Variants in ZBTB20 observed in about 807,000 individuals in gnomAD.
ZBTB20 encodes zinc finger and BTB domain-containing protein 20.
ZBTB20 carries 9 observed loss-of-function variants against 56.9 expected under a neutral mutation model. That is an observed-to-expected ratio of 0.16 (90% CI 0.10 to 0.28). The LOEUF (loss-of-function observed/expected upper bound fraction) is 0.28, where lower values mean the gene tolerates loss of function less well. Ranked by LOEUF, ZBTB20 falls within the 10% of genes least tolerant of loss-of-function variation. The pLI is 1.00. For missense variants in ZBTB20, 655 were observed against 1,003.0 expected (o/e 0.65, Z 4.69); for synonymous variants, 417 against 420.7 (o/e 0.99, Z 0.11).
chr3:114,642,520 T>C (rs1255000227), intron 6 of ZBTB20, among the ~76,000 whole-genome samples: 1 of 152,008 alleles, frequency 6.6e-6, no homozygotes, highest in Admixed American at 6.6e-5. Flanking sequence ...AAATAGAGCA[T>C]ACTGATATTC....
At chr3:114,801,004 T>C (rs991220267) in intron 5 of ZBTB20, 97 bp downstream of exon 5, 1 of 152,022 alleles carries the variant, frequency 6.6e-6, no homozygotes, top group African/African-American at 2.4e-5. Context: ...GACATTCAAA[T>C]TTTTACTCAT....
At chr3:114,867,889 A>G (rs2075832383) in intron 4 of ZBTB20, among the ~76,000 whole-genome samples, 1 of 152,200 alleles carries the variant, frequency 6.6e-6, no homozygotes, top group South Asian at 2.1e-4. Context: ...AGTTACATTA[A>G]TATCTTTGAA....
rs1377374474 is a variant in ZBTB20 at position 114,317,881 on chromosome 3, G to C, written c.*21124C>G. On this transcript the variant is annotated 3_prime_UTR_variant, in exon 12 of 12. Coordinates refer to ENST00000675478, the MANE Select transcript of ZBTB20 (RefSeq NM_001348800.3). ...TAGTCCAAGGGAAGCTGGAAAAGGG[G>C]AACAAGAGAGAGTTTTTAGACAGAA... The C allele has an allele frequency of 6.6e-6, 1 of 152,158 alleles. No homozygotes were observed. The highest frequency in any genetic ancestry group is 2.4e-5 in the African/African-American group (1 of 41,412). 9.4% of individuals were successfully genotyped at this position (152,158 alleles called of 1,614,324 possible).
intron 1 of ZBTB20, among the ~76,000 whole-genome samples, chr3:115,094,433 A>G (rs1283384536): frequency 6.6e-6 from 1 of 152,114 alleles, no homozygotes; most frequent in African/African-American, 2.4e-5. Context: ...TGCCTAAATA[A>G]GATATTTTTG....
chr3:115,055,731 C>T (rs980186252), intron 2 of ZBTB20, among the ~76,000 whole-genome samples: 1 of 152,058 alleles, frequency 6.6e-6, no homozygotes, highest in African/African-American at 2.4e-5. Flanking sequence ...TTATAACTAT[C>T]ATTATCAATC....
chr3:114,606,674 A>G (rs2057179334), intron 6 of ZBTB20, among the ~76,000 whole-genome samples: 1 of 152,178 alleles, frequency 6.6e-6, no homozygotes, highest in African/African-American at 2.4e-5. Context: ...ACACTGCTCT[A>G]TCTTCACCTT....
chr3:114,400,072 T>C (rs1380750185), intron 7 of ZBTB20, among the ~76,000 whole-genome samples: 6 of 152,126 alleles, frequency 3.9e-5, no homozygotes, highest in South Asian at 2.1e-4. Flanking sequence ...ATGCTTTTTT[T>C]CCCCAAAAAA....
chr3:115,008,134 A>G (rs1392872883), intron 2 of ZBTB20, among the ~76,000 whole-genome samples: 3 of 151,848 alleles, frequency 2.0e-5, no homozygotes, highest in African/African-American at 7.2e-5. Flanking sequence ...CAGCTCTTCT[A>G]TATCTCTCCA....
intron 6 of ZBTB20, among the ~76,000 whole-genome samples, chr3:114,527,818 C>T (rs1327528634): frequency 6.6e-6 from 1 of 151,832 alleles, no homozygotes; most frequent in Admixed American, 6.6e-5. Flanking sequence ...ATAACTAAGG[C>T]CTATGATTAA....
At chr3:114,715,751 A>C (rs2204846) in intron 5 of ZBTB20, among the ~76,000 whole-genome samples, 148,543 of 152,248 alleles carry the variant, frequency 0.98, 72,582 homozygotes, top group Middle Eastern at 1. Context: ...ACACTACCCC[A>C]CAACATGCAC....
intron 6 of ZBTB20, among the ~76,000 whole-genome samples, chr3:114,618,294 G>C (rs1164837606): frequency 2.2e-5 from 3 of 136,976 alleles, no homozygotes; most frequent in African/African-American, 8.3e-5. Context: ...CTGTTGCCCA[G>C]GTTGGAGTAT....
At chr3:114,905,078 C>T (rs2075271534) in intron 3 of ZBTB20, among the ~76,000 whole-genome samples, 2 of 151,860 alleles carry the variant, frequency 1.3e-5, no homozygotes, top group African/African-American at 4.8e-5. Flanking sequence ...ACCTCATCTA[C>T]AATACACTAA....
intron 3 of ZBTB20, among the ~76,000 whole-genome samples, chr3:114,960,739 T>C (rs2077418142): frequency 6.6e-6 from 1 of 152,122 alleles, no homozygotes; most frequent in Non-Finnish European, 1.5e-5. Flanking sequence ...ATTCTAGACA[T>C]CATCAGAAGT....
chr3:114,554,067 A>G (rs912661453), intron 6 of ZBTB20, among the ~76,000 whole-genome samples: 1 of 152,136 alleles, frequency 6.6e-6, no homozygotes, highest in Non-Finnish European at 1.5e-5. Context: ...ATACCTATCT[A>G]TCCTTGTCAG....
chr3:114,794,137 T>C (rs148058150), intron 5 of ZBTB20, among the ~76,000 whole-genome samples: 1 of 151,972 alleles, frequency 6.6e-6, no homozygotes, highest in Non-Finnish European at 1.5e-5. Flanking sequence ...TGCTACTTAA[T>C]CGTTCTGGGG....
At chr3:114,757,126 G>A (rs1392622288) in intron 5 of ZBTB20, among the ~76,000 whole-genome samples, 1 of 152,048 alleles carries the variant, frequency 6.6e-6, no homozygotes, top group Non-Finnish European at 1.5e-5. Flanking sequence ...ACTAGCAGCT[G>A]GACTTCATTT....
At chr3:115,142,710 A>T (rs1307954028) in intron 1 of ZBTB20, among the ~76,000 whole-genome samples, 1 of 152,128 alleles carries the variant, frequency 6.6e-6, no homozygotes, top group Non-Finnish European at 1.5e-5. Context: ...ATTAGTTATA[A>T]AGTCTGTTTC....
At chr3:114,734,492 T>C (rs2108558880) in intron 5 of ZBTB20, among the ~76,000 whole-genome samples, 1 of 152,226 alleles carries the variant, frequency 6.6e-6, no homozygotes, top group East Asian at 1.9e-4. Flanking sequence ...CATAGGTTCT[T>C]GGAAACTGTG....
intron 3 of ZBTB20, among the ~76,000 whole-genome samples, chr3:114,972,194 A>C (rs2077911886): frequency 6.6e-6 from 1 of 152,252 alleles, no homozygotes; most frequent in South Asian, 2.1e-4. Flanking sequence ...ATAGGCATGA[A>C]CATCATGTCA....
Sources: gnomAD v4.1 joint callset for allele counts (sites outside exome capture counted in the v4.1 genomes callset) on GRCh38, gnomAD v4.1.1 for gene constraint, MANE v1.5 for transcripts, NCBI Gene and HGNC (gene_info 2026-07-23, HGNC 2026-07-21) for gene names.